The following ADGRV1 variants were observed in gnomAD, a reference collection of about 807,000 sequenced individuals.
ADGRV1 encodes the protein G-protein coupled receptor 98.
ADGRV1 carries 359 observed loss-of-function variants against 596.2 expected under a neutral mutation model. The ratio of observed to expected loss-of-function variants is 0.60; its 90% CI spans 0.55 to 0.66. ADGRV1 has a LOEUF of 0.66. ADGRV1 is among the 30% of genes least tolerant of loss of function. ADGRV1 has a pLI of 0.00. For missense variants in ADGRV1, 7,274 were observed against 7,575.6 expected (o/e 0.96, Z 1.48); for synonymous variants, 2,681 against 2,679.2 (o/e 1.00, Z -0.02).
At chr5:91,005,380 T>A (rs199939805) in intron 85 of ADGRV1, among the ~76,000 whole-genome samples, 40 of 114,928 alleles carry the variant, frequency 3.5e-4, no homozygotes, top group South Asian at 6.0e-4. Context: ...ATATATATAT[T>A]TTTTTGAAGT....
At chr5:90,657,741 CATAAT>C (rs1350301735) in intron 20 of ADGRV1, among the ~76,000 whole-genome samples, 159 bp from the exon 21 acceptor site, 1 of 151,634 alleles carries the variant, frequency 6.6e-6, no homozygotes, top group East Asian at 1.9e-4. Flanking sequence ...TTTTTAAAAT[CATAAT>C]AGAAGATAAT....
intron 83 of ADGRV1, among the ~76,000 whole-genome samples, chr5:90,950,441 C>T (rs1434199694): frequency 6.6e-6 from 1 of 152,074 alleles, no homozygotes; most frequent in Non-Finnish European, 1.5e-5. Context: ...TGTGCCTCAG[C>T]CTCCCGAGTA....
intron 58 of ADGRV1, among the ~76,000 whole-genome samples, chr5:90,761,400 T>C (rs1756500277): frequency 6.6e-6 from 1 of 152,208 alleles, no homozygotes; most frequent in South Asian, 2.1e-4. Context: ...GAATATGTAA[T>C]TTATTTTTTA....
In ADGRV1 at chr5:90,779,108, A is replaced by C; in HGVS notation, c.13082+11A>C. 3 of 1,522,950 alleles carry C rather than the reference A, an allele frequency of 2.0e-6. No individual in the cohort carries two copies. Among genetic ancestry groups the C allele is most frequent in the Non-Finnish European group, 2.7e-6 (3 of 1,099,458 alleles). The allele number at this position is 1,522,950 out of a possible 1,614,324, so 94.3% of individuals were successfully genotyped here. A position where few individuals can be genotyped will look rare whatever the true frequency, so the allele number is the denominator to read the frequency against. On this transcript the variant is annotated intron_variant, in intron 64 of 89. Transcript: ENST00000405460. ...GGAACTCCAGGGAAGGTAAAGGAGA[A>C]AGGCAATTAGGAAAAAGAAAGCAAA...
chr5:90,729,874 T>G (rs1752314989), intron 50 of ADGRV1, 110 bp downstream of exon 50: 2 of 1,150,520 alleles, frequency 1.7e-6, no homozygotes, highest in Middle Eastern at 2.0e-4. Flanking sequence ...CTGGGTATTT[T>G]TTTTTTTTTG....
intron 85 of ADGRV1, among the ~76,000 whole-genome samples, chr5:91,038,049 T>C (rs997296634): frequency 1.3e-5 from 2 of 152,230 alleles, no homozygotes; most frequent in Admixed American, 1.3e-4. Flanking sequence ...TCATTATATG[T>C]ATGCAGATAT....
chr5:90,577,259 T>C (rs1757351576), intron 1 of ADGRV1, among the ~76,000 whole-genome samples: 1 of 152,208 alleles, frequency 6.6e-6, no homozygotes, highest in Non-Finnish European at 1.5e-5. Flanking sequence ...GGTCAAACAT[T>C]TAAGTCTTTA....
intron 85 of ADGRV1, among the ~76,000 whole-genome samples, chr5:91,011,759 A>G (rs7727493): frequency 0.029 from 4,329 of 149,316 alleles, 90 homozygotes; most frequent in African/African-American, 0.064. Flanking sequence ...CCAGGGGGGA[A>G]AAAAAAAAGC....
intron 85 of ADGRV1, among the ~76,000 whole-genome samples, chr5:91,000,490 T>G (rs1172948183): frequency 6.6e-6 from 1 of 152,212 alleles, no homozygotes; most frequent in Non-Finnish European, 1.5e-5. Flanking sequence ...GTTGAAAATT[T>G]ACAATCGTAA....
At chr5:91,131,427 T>G (rs1425487046) in intron 87 of ADGRV1, among the ~76,000 whole-genome samples, 3 of 151,868 alleles carry the variant, frequency 2.0e-5, no homozygotes, top group South Asian at 2.1e-4. Flanking sequence ...TTTGGGTTTT[T>G]TTTTTTTTTT....
intron 85 of ADGRV1, among the ~76,000 whole-genome samples, chr5:91,025,234 C>T (rs1783929363): frequency 6.6e-6 from 1 of 152,114 alleles, no homozygotes; most frequent in Admixed American, 6.6e-5. Context: ...CCTCCTCCCC[C>T]ATGCAGAATA....
chr5:91,020,661 T>A (rs868137475), intron 85 of ADGRV1, among the ~76,000 whole-genome samples: 1 of 152,010 alleles, frequency 6.6e-6, no homozygotes, highest in South Asian at 2.1e-4. Context: ...CCACTGCCAT[T>A]GTTCACATCC....
intron 31 of ADGRV1, among the ~76,000 whole-genome samples, chr5:90,691,986 T>G (rs144100158): frequency 6.6e-6 from 1 of 152,312 alleles, no homozygotes; most frequent in African/African-American, 2.4e-5. Context: ...AACATTTAGA[T>G]CTCATAAAAT....
intron 75 of ADGRV1, 47 bp downstream of exon 75, chr5:90,815,783 G>C (rs41311621): frequency 4.7e-6 from 5 of 1,061,344 alleles, no homozygotes; most frequent in Non-Finnish European, 7.1e-6. Flanking sequence ...CTGTGTGTCT[G>C]TACAAATGTA....
Position 90,753,582 on chromosome 5 carries a change from T to A in ADGRV1, c.11130T>A (p.Phe3710Leu). ...DIFPTSGVIL[F>L]TEGQVLSTIT... ...TTTCTTTAAAATTCTAGATTTTATT[T>A]ACTGAAGGCCAGGTACTGTCAACAA... The change falls in exon 54 of 90, where the codon TTT (phenylalanine) becomes TTA (leucine). Residue 3710 changes from phenylalanine (F) to leucine (L), a missense_variant. Phe to Leu is a conservative substitution (Grantham distance 22). This residue lies in a region of ADGRV1 where 3,643 missense variants were observed against 3,809.2 expected (regional missense o/e 0.96). Transcript: ENST00000405460. 6.3e-7 allele frequency: 1 copy of A among 1,595,070 alleles called. No individual in the cohort carries two copies. The highest frequency in any genetic ancestry group is 8.6e-7 in the Non-Finnish European group (1 of 1,164,800).
chr5:90,620,259 C>G (rs1297849147), intron 4 of ADGRV1, among the ~76,000 whole-genome samples: 2 of 152,142 alleles, frequency 1.3e-5, no homozygotes, highest in Admixed American at 6.5e-5. Flanking sequence ...CTCTCCAGCA[C>G]CTGTTGTTTC....
intron 36 of ADGRV1, 139 bp downstream of exon 36, chr5:90,704,627 G>A: frequency 1.8e-6 from 1 of 545,664 alleles, no homozygotes; most frequent in Non-Finnish European, 3.2e-6. Context: ...AGAAATGTTA[G>A]ATCAAAAAAA....
Position 90,595,756 on chromosome 5 carries a change from C to T in ADGRV1, c.23-19079C>T, listed in dbSNP as rs370922139. Among the ~76,000 whole-genome samples, 140 of 141,124 alleles carry T rather than the reference C, an allele frequency of 9.9e-4. No individual in the cohort carries two copies. The East Asian group carries it at 0.029, about 29-fold the overall frequency. The allele number at this position is 141,124 out of a possible 152,430, so 92.6% of individuals were successfully genotyped here. ...GGCGGCCGGGCAGAGGCGCCCCTCA[C>T]CTCCCGGACGGGGTGGCTGGCCGGG... On this transcript the variant is annotated intron_variant, in intron 1 of 89. Coordinates refer to ENST00000405460, the MANE Select transcript of ADGRV1 (RefSeq NM_032119.4).
At chr5:90,610,950 A>G (rs1762662469) in intron 1 of ADGRV1, among the ~76,000 whole-genome samples, 1 of 151,952 alleles carries the variant, frequency 6.6e-6, no homozygotes, top group African/African-American at 2.4e-5. Flanking sequence ...TCCCAAATAC[A>G]GTGGTAGAGG....
Sources: gnomAD v4.1 joint callset for allele counts (sites outside exome capture counted in the v4.1 genomes callset) on GRCh38, gnomAD v4.1.1 for gene constraint, gnomAD v4.1.1 regional missense constraint, MANE v1.5 for transcripts, NCBI Gene and HGNC (gene_info 2026-07-23, HGNC 2026-07-21) for gene names.